TENM4: variants seen among roughly 807,000 people sequenced by gnomAD.
TENM4 encodes teneurin transmembrane protein 4.
In TENM4, 82 loss-of-function variants were observed where a neutral mutation model predicts 243.3. The observed-to-expected ratio is 0.34, with a 90% CI of 0.28 to 0.40. TENM4 has a LOEUF of 0.40. Among genes scored for constraint, TENM4 ranks in the 10% least tolerant of loss-of-function variants. The pLI is 1.00. For missense variants in TENM4, 3,138 were observed against 3,673.3 expected (o/e 0.85, Z 3.77); for synonymous variants, 1,412 against 1,456.3 (o/e 0.97, Z 0.69).
At chr11:79,433,955 A>C (rs1201931379) in intron 1 of TENM4, among the ~76,000 whole-genome samples, 4 of 152,130 alleles carry the variant, frequency 2.6e-5, no homozygotes, top group Admixed American at 2.0e-4. Context: ...TGACCTCTCT[A>C]CCTGATCTAA....
At chr11:79,283,704 A>G (rs181651501) in intron 2 of TENM4, among the ~76,000 whole-genome samples, 222 of 152,306 alleles carry the variant, frequency 1.5e-3, no homozygotes, top group African/African-American at 5.1e-3. Context: ...TGGAGGTTCT[A>G]ACCAGGAAAA....
In TENM4 at chr11:78,722,702, G is replaced by C; in HGVS notation, c.3766C>G (p.Pro1256Ala). The C allele has an allele frequency of 6.2e-7, 1 of 1,613,910 alleles. No individual in the cohort carries two copies. Among genetic ancestry groups the C allele is most frequent in the South Asian group, 1.1e-5 (1 of 91,086 alleles). The change falls in exon 24 of 34, where the codon CCC becomes GCC. Residue 1256 changes from proline (P) to alanine (A), a missense_variant. By Grantham distance (27) the Pro-to-Ala change is conservative. Transcript: ENST00000278550. ...AGGATGTTGGTGACATTTCCAGAGG[G>C]GAAGATCCTTCTAATGTAGTTGAAA... ...GDFNYIRRIF[P>A]SGNVTNILEL...
chr11:79,261,812 C>A (rs551795883), intron 2 of TENM4, among the ~76,000 whole-genome samples: 2 of 152,112 alleles, frequency 1.3e-5, no homozygotes, highest in African/African-American at 4.8e-5. Flanking sequence ...TCTTTCCTGA[C>A]CCCCAGAGAC....
chr11:78,903,239 C>A, intron 7 of TENM4, 29 bp downstream of exon 7: 1 of 1,480,482 alleles, frequency 6.8e-7, no homozygotes, highest in South Asian at 1.3e-5. Flanking sequence ...CCACCCTCCT[C>A]AGCCTCACCC....
intron 28 of TENM4, among the ~76,000 whole-genome samples, chr11:78,698,392 C>T (rs1859016867): frequency 6.6e-6 from 1 of 150,750 alleles, no homozygotes; most frequent in Non-Finnish European, 1.5e-5. Context: ...ATTTCAAAAA[C>T]CAAACCGAAC....
rs571746141 is a variant in TENM4, at chr11:78,730,523, G to A, written c.3139-880C>T. On this transcript the variant is annotated intron_variant, in intron 21 of 33. Coordinates refer to ENST00000278550, the MANE Select transcript of TENM4 (RefSeq NM_001098816.3). Reference sequence around the variant, plus strand: ...TCCAGTGCCAGATGGACAGAGTGGGGAAGGCTATGACCCGGGGAACGCTCA... The same window carrying A: ...TCCAGTGCCAGATGGACAGAGTGGGAAAGGCTATGACCCGGGGAACGCTCA... 1.2e-4 allele frequency among the ~76,000 whole-genome samples: 19 copies of A among 152,288 alleles called. 1 individual carries two copies. The South Asian group carries it at 3.7e-3, about 30-fold the overall frequency.
chr11:79,198,958 C>A (rs1480897776), intron 3 of TENM4, among the ~76,000 whole-genome samples: 3 of 152,094 alleles, frequency 2.0e-5, no homozygotes, highest in Non-Finnish European at 4.4e-5. Flanking sequence ...AAGGGATGAC[C>A]AGGAGGTGGC....
chr11:79,281,760 G>T (rs1012814081), intron 2 of TENM4, among the ~76,000 whole-genome samples: 1 of 152,168 alleles, frequency 6.6e-6, no homozygotes, highest in Non-Finnish European at 1.5e-5. Context: ...TGCCTCTCTG[G>T]CATAACTGGG....
At chr11:79,416,108 G>A (rs1024300216) in intron 1 of TENM4, among the ~76,000 whole-genome samples, 2 of 152,138 alleles carry the variant, frequency 1.3e-5, no homozygotes, top group African/African-American at 4.8e-5. Flanking sequence ...TCCATTTTAT[G>A]GATATACCAC....
chr11:78,716,443 C>T (rs973573122), intron 25 of TENM4, among the ~76,000 whole-genome samples: 1 of 152,188 alleles, frequency 6.6e-6, no homozygotes, highest in African/African-American at 2.4e-5. Context: ...ACCTTGAACT[C>T]CTCAAGAGGA....
intron 3 of TENM4, among the ~76,000 whole-genome samples, chr11:79,172,265 A>T (rs775098785): frequency 1.3e-5 from 2 of 151,964 alleles, no homozygotes; most frequent in African/African-American, 2.4e-5. Flanking sequence ...CACTGTTAAT[A>T]ATTACACTGG....
At chr11:78,711,938 G>A (rs1423593720) in intron 26 of TENM4, among the ~76,000 whole-genome samples, 2 of 152,132 alleles carry the variant, frequency 1.3e-5, no homozygotes, top group South Asian at 2.1e-4. Context: ...CTGAATAAGC[G>A]AATAACAAAT....
intron 6 of TENM4, among the ~76,000 whole-genome samples, chr11:79,006,124 C>T (rs1262788754): frequency 2.6e-5 from 4 of 152,204 alleles, no homozygotes; most frequent in Non-Finnish European, 5.9e-5. Flanking sequence ...AGCTATCCCT[C>T]TCCTGGGAGG....
At chr11:78,962,728 G>A (rs1428494698) in intron 6 of TENM4, among the ~76,000 whole-genome samples, 1 of 152,248 alleles carries the variant, frequency 6.6e-6, no homozygotes, top group Non-Finnish European at 1.5e-5. Flanking sequence ...GCTGATAAAA[G>A]CAGCAGTGGG....
At chr11:79,356,518 T>C (rs1353761870) in intron 1 of TENM4, among the ~76,000 whole-genome samples, 1 of 152,236 alleles carries the variant, frequency 6.6e-6, no homozygotes, top group Non-Finnish European at 1.5e-5. Flanking sequence ...AGCTTGACTC[T>C]ATTCTCCATT....
At chr11:79,096,166 G>C (rs909897333) in intron 4 of TENM4, 1 of 152,148 alleles carries the variant, frequency 6.6e-6, no homozygotes, top group Non-Finnish European at 1.5e-5. Flanking sequence ...TGCAAAATGG[G>C]GGTACTGTCT....
In TENM4 at chr11:78,655,375, A is replaced by G. The variant is rs575194040; in HGVS notation, c.*2683T>C. On this transcript the variant is annotated 3_prime_UTR_variant, in exon 34 of 34. Coordinates refer to ENST00000278550, the MANE Select transcript of TENM4 (RefSeq NM_001098816.3). ...GTATGTAGCACAGGAAAAATATAAGATCCTTTAAAGAAACAAACACTCAGT... is the reference window on the plus strand; with the variant it reads ...GTATGTAGCACAGGAAAAATATAAGGTCCTTTAAAGAAACAAACACTCAGT... 16 of 152,078 alleles carry G rather than the reference A, an allele frequency of 1.1e-4. No homozygotes were observed. The highest frequency in any genetic ancestry group is 3.9e-4 in the African/African-American group (16 of 41,478). 9.4% of individuals were successfully genotyped at this position (152,078 alleles called of 1,614,324 possible). A position where few individuals can be genotyped will look rare whatever the true frequency, so the allele number is the denominator to read the frequency against.
At chr11:79,265,896 TC>T (rs1341724982) in intron 2 of TENM4, among the ~76,000 whole-genome samples, 1 of 152,166 alleles carries the variant, frequency 6.6e-6, no homozygotes, top group East Asian at 1.9e-4. Flanking sequence ...CTGTCTCAGC[TC>T]CCTCCCACAA....
intron 1 of TENM4, among the ~76,000 whole-genome samples, chr11:79,400,265 A>C (rs1858434284): frequency 6.6e-6 from 1 of 151,664 alleles, no homozygotes. Flanking sequence ...TGGAGCCAGA[A>C]TCCAGTCACT....
Sources: allele counts gnomAD v4.1 joint callset (sites outside exome capture counted in the v4.1 genomes callset), GRCh38; gene constraint gnomAD v4.1.1; transcripts MANE v1.5; gene names NCBI Gene and HGNC (gene_info 2026-07-23, HGNC 2026-07-21).